ESRRG: variants seen among roughly 807,000 people sequenced by gnomAD.
The protein encoded by ESRRG is estrogen related receptor gamma.
In ESRRG, 13 loss-of-function variants were observed where a neutral mutation model predicts 44.0. The observed-to-expected ratio is 0.30, with a 90% CI of 0.19 to 0.47. The LOEUF is 0.47. ESRRG is among the 20% of genes least tolerant of loss of function. The pLI is 1.00. For synonymous variants in ESRRG, 215 were observed against 214.6 expected (o/e 1.00, Z -0.02); for missense variants, 395 against 580.6 (o/e 0.68, Z 3.29).
chr1:216,688,335 C>A (rs945832173), intron 1 of ESRRG, among the ~76,000 whole-genome samples: 1 of 152,278 alleles, frequency 6.6e-6, no homozygotes, highest in South Asian at 2.1e-4. Context: ...CTATCAAGTG[C>A]ACGAACGAGA....
chr1:216,570,301 G>T (rs1357721044), intron 3 of ESRRG, among the ~76,000 whole-genome samples: 1 of 152,118 alleles, frequency 6.6e-6, no homozygotes, highest in Non-Finnish European at 1.5e-5. Context: ...ACTGAAAATT[G>T]CCATGCATGT....
At chr1:217,019,030 A>G (rs552081888) in intron 1 of ESRRG, among the ~76,000 whole-genome samples, 54 of 152,298 alleles carry the variant, frequency 3.5e-4, no homozygotes, top group African/African-American at 1.2e-3. Context: ...AAAACTACAG[A>G]TGTTCAAGGT....
At chr1:216,530,738 A>G (rs964768146) in intron 5 of ESRRG, among the ~76,000 whole-genome samples, 1 of 152,184 alleles carries the variant, frequency 6.6e-6, no homozygotes, top group African/African-American at 2.4e-5. Context: ...CCCTAAAAGA[A>G]AAATTGCTTA....
chr1:216,978,084 G>C (rs2073293405), intron 1 of ESRRG, among the ~76,000 whole-genome samples: 1 of 152,084 alleles, frequency 6.6e-6, no homozygotes, highest in Non-Finnish European at 1.5e-5. Context: ...GCTGTATTAT[G>C]TTATAGCAGA....
At chr1:216,784,373 T>C (rs2094046224) in intron 2 of ESRRG, among the ~76,000 whole-genome samples, 1 of 152,078 alleles carries the variant, frequency 6.6e-6, no homozygotes, top group African/African-American at 2.4e-5. Flanking sequence ...TTCTACTCCA[T>C]AGTAATTCTC....
At chr1:217,049,981 C>A (rs2085609705) in intron 1 of ESRRG, among the ~76,000 whole-genome samples, 1 of 152,152 alleles carries the variant, frequency 6.6e-6, no homozygotes. Context: ...CATCTATGAA[C>A]AAGAGCAGAA....
chr1:216,555,253 C>G (rs953023033), intron 5 of ESRRG, among the ~76,000 whole-genome samples: 1 of 152,148 alleles, frequency 6.6e-6, no homozygotes, highest in Non-Finnish European at 1.5e-5. Context: ...GTTTGTGATC[C>G]AAAATTATTT....
chr1:216,780,064 A>G lies in ESRRG; in HGVS notation c.-13-102573T>C, dbSNP rs940452496. Among the ~76,000 whole-genome samples, 4 of 151,930 alleles carry G rather than the reference A, an allele frequency of 2.6e-5. 1 individual carries two copies. Among genetic ancestry groups the G allele is most frequent in the Admixed American group, 6.6e-5 (1 of 15,206 alleles). ...TTTTAAAGGCCATGTGCATGTTTCTATGGCTGAGATCTAAAAAAAAAGAAA... is the reference window on the plus strand; with the variant it reads ...TTTTAAAGGCCATGTGCATGTTTCTGTGGCTGAGATCTAAAAAAAAAGAAA... On this transcript the variant is annotated intron_variant, in intron 2 of 7. Transcript: ENST00000359162.
intron 1 of ESRRG, among the ~76,000 whole-genome samples, chr1:217,066,379 C>A (rs1447472811): frequency 7.2e-6 from 1 of 139,502 alleles, no homozygotes; most frequent in Non-Finnish European, 1.7e-5. Flanking sequence ...CTCAGCCTCC[C>A]GAGTAGCTGG....
chr1:216,596,561 A>G (rs1020567413), intron 3 of ESRRG, among the ~76,000 whole-genome samples: 1 of 152,208 alleles, frequency 6.6e-6, no homozygotes, highest in Non-Finnish European at 1.5e-5. Context: ...AGAACAGACC[A>G]GCTATCTCTA....
At chr1:216,958,393 T>C (rs148565068) in intron 1 of ESRRG, among the ~76,000 whole-genome samples, 29 of 152,310 alleles carry the variant, frequency 1.9e-4, no homozygotes, top group East Asian at 3.9e-4. Flanking sequence ...TAGCAATGGA[T>C]AAAAGTTCAG....
At chr1:217,113,434 GAGT>G (rs562401935) in intron 1 of ESRRG, among the ~76,000 whole-genome samples, 31 of 152,246 alleles carry the variant, frequency 2.0e-4, no homozygotes, top group African/African-American at 6.3e-4. Context: ...AACATATATT[GAGT>G]AGGAGTGGGG....
In ESRRG at chr1:216,572,566, GA is replaced by G. The variant is rs879503949; in HGVS notation, c.590-4469del. ...AATTCTATTTTTAATGTTTTTTCCAGAAAAAAAAAATTTTAAAAATTAAAGA... is the reference window on the plus strand; with the variant it reads ...AATTCTATTTTTAATGTTTTTTCCAGAAAAAAAAATTTTAAAAATTAAAGA... On this transcript the variant is annotated intron_variant, in intron 3 of 6. Coordinates refer to ENST00000408911, the MANE Select transcript of ESRRG (RefSeq NM_001438.4). Among the ~76,000 whole-genome samples, 573 of 150,050 alleles carry G rather than the reference GA, an allele frequency of 3.8e-3. 1 individual carries two copies. Among genetic ancestry groups the G allele is most frequent in the African/African-American group, 7.4e-3 (302 of 41,072 alleles).
At chr1:216,997,644 A>G (rs1268579204) in intron 1 of ESRRG, among the ~76,000 whole-genome samples, 1 of 152,210 alleles carries the variant, frequency 6.6e-6, no homozygotes. Context: ...CTTAATTTGC[A>G]TAAAGAGAGA....
chr1:217,004,748 G>T (rs1439895983), intron 1 of ESRRG, among the ~76,000 whole-genome samples: 1 of 152,158 alleles, frequency 6.6e-6, no homozygotes, highest in Non-Finnish European at 1.5e-5. Context: ...CTGAAAATAT[G>T]TATTCTCATG....
chr1:217,046,872 A>T (rs1281213930), intron 1 of ESRRG, among the ~76,000 whole-genome samples: 1 of 150,390 alleles, frequency 6.6e-6, no homozygotes, highest in Admixed American at 6.7e-5. Flanking sequence ...AACAGTGGTG[A>T]GATCCTGTCT....
At chr1:216,523,768 A>G (rs1558253576) in intron 5 of ESRRG, among the ~76,000 whole-genome samples, 2 of 151,766 alleles carry the variant, frequency 1.3e-5, no homozygotes, top group Admixed American at 1.3e-4. Flanking sequence ...TTAAATCTTC[A>G]GGGCATCTGT....
chr1:216,607,764 T>C (rs1054670059), intron 3 of ESRRG, among the ~76,000 whole-genome samples: 1 of 152,200 alleles, frequency 6.6e-6, no homozygotes, highest in Non-Finnish European at 1.5e-5. Flanking sequence ...GTGACTATGA[T>C]GATCAAATGA....
intron 2 of ESRRG, among the ~76,000 whole-genome samples, chr1:216,804,715 T>C (rs2094732167): frequency 6.6e-6 from 1 of 152,072 alleles, no homozygotes; most frequent in Non-Finnish European, 1.5e-5. Flanking sequence ...AAAGGATCAT[T>C]CCTTTGAGGG....
Sources: allele counts gnomAD v4.1 joint callset (sites outside exome capture counted in the v4.1 genomes callset), GRCh38; gene constraint gnomAD v4.1.1; transcripts MANE v1.5; gene names NCBI Gene and HGNC (gene_info 2026-07-23, HGNC 2026-07-21).